MINDY3: variants seen among roughly 807,000 people sequenced by gnomAD.
MINDY3 encodes ubiquitin carboxyl-terminal hydrolase MINDY-3.
A neutral mutation model predicts 69.2 loss-of-function variants in MINDY3; 38 were observed. The observed-to-expected ratio is 0.55, with a 90% CI of 0.42 to 0.72. MINDY3 has a LOEUF of 0.72. Among genes scored for constraint, MINDY3 ranks in the 30% least tolerant of loss-of-function variants. The pLI is 0.00. For missense variants in MINDY3, 522 were observed against 519.0 expected (o/e 1.01, Z -0.06); for synonymous variants, 192 against 180.1 (o/e 1.07, Z -0.53).
chr10:15,842,186 A>T (rs1250167439), intron 3 of MINDY3, among the ~76,000 whole-genome samples: 5 of 151,792 alleles, frequency 3.3e-5, no homozygotes, highest in Non-Finnish European at 7.4e-5. Context: ...TATGAACCTT[A>T]GCCACACTCT....
intron 1 of MINDY3, among the ~76,000 whole-genome samples, chr10:15,850,786 C>T (rs947056188): frequency 6.6e-6 from 1 of 152,126 alleles, no homozygotes; most frequent in Non-Finnish European, 1.5e-5. Flanking sequence ...GCCCTTAAAG[C>T]ATGTGATCTC....
intron 10 of MINDY3, among the ~76,000 whole-genome samples, chr10:15,802,827 T>C (rs1023330528): frequency 6.6e-6 from 1 of 151,732 alleles, no homozygotes; most frequent in Non-Finnish European, 1.5e-5. Context: ...AAAAAAATCA[T>C]GTTTTGCTCT....
intron 13 of MINDY3, 34 bp downstream of exon 13, chr10:15,786,527 A>G: frequency 8.2e-7 from 1 of 1,217,430 alleles, no homozygotes; most frequent in South Asian, 1.3e-5. Flanking sequence ...ATCCCAACAG[A>G]ATAACAATGA....
intron 6 of MINDY3, among the ~76,000 whole-genome samples, chr10:15,835,938 A>G (rs940075607): frequency 6.6e-5 from 10 of 152,168 alleles, no homozygotes; most frequent in South Asian, 2.1e-4. Flanking sequence ...CACCAACTCC[A>G]TCCATCACAA....
chr10:15,791,605 C>G (rs1485337108), intron 11 of MINDY3, among the ~76,000 whole-genome samples: 1 of 151,800 alleles, frequency 6.6e-6, no homozygotes, highest in Non-Finnish European at 1.5e-5. Flanking sequence ...TACTGTAATG[C>G]TGTTGGATTG....
intron 10 of MINDY3, 25 bp downstream of exon 10, chr10:15,816,810 A>G: frequency 6.4e-7 from 1 of 1,551,798 alleles, no homozygotes; most frequent in Non-Finnish European, 8.9e-7. Flanking sequence ...TCATAACTTA[A>G]AAAAAAATCC....
At chr10:15,809,973 C>T (rs557671513) in intron 10 of MINDY3, among the ~76,000 whole-genome samples, 73 of 152,140 alleles carry the variant, frequency 4.8e-4, no homozygotes, top group African/African-American at 1.7e-3. Flanking sequence ...TATAAATGAT[C>T]AACCTGAACA....
At chr10:15,859,906 T>G (rs926214651) in intron 1 of MINDY3, among the ~76,000 whole-genome samples, 7 of 152,124 alleles carry the variant, frequency 4.6e-5, no homozygotes, top group African/African-American at 1.7e-4. Context: ...GGGCGCATCT[T>G]CCGTGTCACG....
chr10:15,847,557 A>G (rs1008834707), intron 2 of MINDY3, among the ~76,000 whole-genome samples: 3 of 152,198 alleles, frequency 2.0e-5, no homozygotes, highest in Non-Finnish European at 1.5e-5. Flanking sequence ...CTAGTGTATA[A>G]CATGTTATTA....
intron 1 of MINDY3, chr10:15,858,014 G>A: frequency 1.2e-6 from 1 of 835,214 alleles, no homozygotes; most frequent in Non-Finnish European, 1.4e-6. Context: ...ATGCAGCAAA[G>A]CAGTGTCTTG....
At chr10:15,805,769 T>A (rs1262181732) in intron 10 of MINDY3, among the ~76,000 whole-genome samples, 1 of 152,122 alleles carries the variant, frequency 6.6e-6, no homozygotes, top group Non-Finnish European at 1.5e-5. Context: ...TTCCCTCTCT[T>A]ATGAGAACTG....
At chr10:15,851,650 C>T (rs972607810) in intron 1 of MINDY3, among the ~76,000 whole-genome samples, 11 of 152,104 alleles carry the variant, frequency 7.2e-5, no homozygotes, top group East Asian at 1.9e-4. Context: ...TAGTTCAAAC[C>T]GCTATAATCT....
At chr10:15,796,904 T>G (rs905554606) in intron 10 of MINDY3, among the ~76,000 whole-genome samples, 1 of 152,072 alleles carries the variant, frequency 6.6e-6, no homozygotes, top group African/African-American at 2.4e-5. Flanking sequence ...CACACATGAA[T>G]CTAAAATGTA....
intron 2 of MINDY3, among the ~76,000 whole-genome samples, chr10:15,845,764 C>G (rs1833789443): frequency 6.6e-6 from 1 of 151,440 alleles, no homozygotes; most frequent in African/African-American, 2.4e-5. Context: ...CCCTCAGCCT[C>G]CCAAAGTGCT....
intron 11 of MINDY3, 44 bp downstream of exon 11, chr10:15,796,056 C>CATATGAAGACATAA (rs1270418462): frequency 3.6e-6 from 5 of 1,388,116 alleles, no homozygotes; most frequent in East Asian, 4.6e-5. Context: ...GTATTTCAAA[C>CATATGAAGACATAA]ATATGAAGAC....
intron 9 of MINDY3, among the ~76,000 whole-genome samples, chr10:15,820,611 A>G (rs960158347): frequency 6.6e-6 from 1 of 152,216 alleles, no homozygotes; most frequent in Non-Finnish European, 1.5e-5. Context: ...AGTCACTGAA[A>G]ATACTGTTTA....
chr10:15,795,708 TCTG>T (rs1323477615), intron 11 of MINDY3, among the ~76,000 whole-genome samples: 1 of 152,118 alleles, frequency 6.6e-6, no homozygotes, highest in Non-Finnish European at 1.5e-5. Context: ...ATGATCTTCC[TCTG>T]CTTCTTTATC....
At chr10:15,787,496 C>T (rs895064124) in intron 12 of MINDY3, among the ~76,000 whole-genome samples, 18 of 152,172 alleles carry the variant, frequency 1.2e-4, no homozygotes, top group African/African-American at 4.3e-4. Flanking sequence ...TTCTAGTCAA[C>T]CACCTTCCTC....
chr10:15,819,886 C>G (rs1452292749), intron 9 of MINDY3, among the ~76,000 whole-genome samples: 1 of 152,126 alleles, frequency 6.6e-6, no homozygotes, highest in Non-Finnish European at 1.5e-5. Context: ...AGGGGAAAAA[C>G]GTTCTTCTGT....
Sources: allele counts gnomAD v4.1 joint callset (sites outside exome capture counted in the v4.1 genomes callset), GRCh38; gene constraint gnomAD v4.1.1; transcripts MANE v1.5; gene names NCBI Gene and HGNC (gene_info 2026-07-23, HGNC 2026-07-21).